Variants in LSMEM1 observed in about 807,000 individuals in gnomAD.
LSMEM1 encodes leucine rich single-pass membrane protein 1, also known as leucine-rich single-pass membrane protein 1.
Under a neutral mutation model 11.3 loss-of-function variants are expected in LSMEM1, and 10 were observed. That is an observed-to-expected ratio of 0.89 (90% CI 0.55 to 1.50). The LOEUF is 1.50. Among genes scored for constraint, LSMEM1 ranks in the 40% most tolerant of loss-of-function variants. LSMEM1 has a pLI of 0.00. For synonymous variants in LSMEM1, 65 were observed against 59.3 expected, an observed-to-expected ratio of 1.10 and a Z score of -0.44; for missense variants, 151 against 152.9, an observed-to-expected ratio of 0.99 and a Z score of 0.06.
intron 3 of LSMEM1, among the ~76,000 whole-genome samples, chr7:112,488,466 G>A (rs903732585): frequency 6.6e-6 from 1 of 152,114 alleles, no homozygotes; most frequent in Non-Finnish European, 1.5e-5. Context: ...GAGATAAGTA[G>A]CAAGATTGAG....
intron 1 of LSMEM1, among the ~76,000 whole-genome samples, chr7:112,483,892 G>C (rs968176877): frequency 1.3e-5 from 2 of 152,144 alleles, no homozygotes; most frequent in Non-Finnish European, 2.9e-5. Context: ...GAAAGGAAAA[G>C]CTTTTATAGT....
At chr7:112,485,494 T>A (rs1796111248) in intron 2 of LSMEM1, among the ~76,000 whole-genome samples, 1 of 152,190 alleles carries the variant, frequency 6.6e-6, no homozygotes. Context: ...CTGAGTGCCA[T>A]CTTTTCTAGC....
Position 112,484,797 on chromosome 7 carries a change from A to G in LSMEM1, c.-5-15A>G. 3 of 1,610,012 alleles carry G rather than the reference A, an allele frequency of 1.9e-6. No homozygotes were observed. The highest frequency in any genetic ancestry group is 2.5e-6 in the Non-Finnish European group (3 of 1,178,008). ...AGCCCAACCTCTTGTTTTTAACATC[A>G]GTGTTTTCTTCCAGGGACAATGACT... On this transcript the variant is annotated splice_polypyrimidine_tract_variant and intron_variant, in intron 1 of 3. Coordinates refer to ENST00000312849, the MANE Select transcript of LSMEM1 (RefSeq NM_182597.3).
Position 112,490,493 on chromosome 7 carries a change from G to C in LSMEM1, c.*544G>C, listed in dbSNP as rs915883399. The C allele has an allele frequency of 2.0e-5, 3 of 152,536 alleles. No homozygotes were observed. The highest frequency in any genetic ancestry group is 6.5e-5 in the Admixed American group (1 of 15,348). The allele number at this position is 152,536 out of a possible 1,614,324, so 9.4% of individuals were successfully genotyped here. A position where few individuals can be genotyped will look rare whatever the true frequency, so the allele number is the denominator to read the frequency against. On this transcript the variant is annotated 3_prime_UTR_variant, in exon 4 of 4. Coordinates refer to ENST00000312849, the MANE Select transcript of LSMEM1 (RefSeq NM_182597.3). ...TGGGTGGGCCCCAGAGCTAGTTGCT[G>C]TCTGGTGTTTGCTGGTGAAAACATG...
intron 1 of LSMEM1, among the ~76,000 whole-genome samples, chr7:112,482,983 C>G (rs1796058702): frequency 6.6e-6 from 1 of 152,066 alleles, no homozygotes; most frequent in East Asian, 1.9e-4. Flanking sequence ...TTTGAGCTCA[C>G]TTTCTTAGCT....
rs933875586 is a variant in LSMEM1, at chr7:112,486,692, C to T, written c.128-231C>T. ...TCGGGAGGCTGAGGCAGGAGAATGG[C>T]GTGAACCCGGGAGGCAGAGGTTGCA... On this transcript the variant is annotated intron_variant, in intron 2 of 3. Transcript: ENST00000312849. 3.0e-5 allele frequency: 12 copies of T among 402,486 alleles called. No individual in the cohort carries two copies. The South Asian group carries it at 3.1e-4, about 11-fold the overall frequency. 24.9% of individuals were successfully genotyped at this position (402,486 alleles called of 1,614,324 possible). A position where few individuals can be genotyped will look rare whatever the true frequency, so the allele number is the denominator to read the frequency against.
intron 1 of LSMEM1, among the ~76,000 whole-genome samples, chr7:112,482,321 A>G (rs1178670033): frequency 1.3e-5 from 2 of 152,196 alleles, no homozygotes; most frequent in East Asian, 3.9e-4. Context: ...GACCAGTAAT[A>G]TGGAGATTTT....
In LSMEM1 at chr7:112,482,115, C is replaced by T. The variant is rs76275682; in HGVS notation, c.-6+769C>T. Among the ~76,000 whole-genome samples the T allele has an allele frequency of 2.7e-3, 410 of 152,376 alleles. 9 individuals are homozygous for T. The East Asian group carries it at 0.062, about 23-fold the overall frequency. On this transcript the variant is annotated intron_variant, in intron 1 of 3. Transcript: ENST00000312849. ...TTTGCAGGCTCTTGGAGCCCTGGAA[C>T]AGCACCCAACTCAGTTTTCTCTGCT...
Position 112,487,050 on chromosome 7 carries a change from A to G in LSMEM1, c.255A>G (p.Ile85Met), listed in dbSNP as rs757954801. ...LALVFFVIFLIVQTGNKMDDV... is the reference protein window; with the variant it reads ...LALVFFVIFLMVQTGNKMDDV... Reference sequence around the variant, plus strand: ...TGGTTTTTTTCGTGATATTTCTAATAGGTAAGTACCACCACAGGTTTCTTT... The same window carrying G: ...TGGTTTTTTTCGTGATATTTCTAATGGGTAAGTACCACCACAGGTTTCTTT... Residue 85 changes from isoleucine to methionine, a missense_variant and splice_region_variant, in exon 3 of 4, where the codon ATA becomes ATG. Ile to Met is a conservative substitution (Grantham distance 10). Coordinates refer to ENST00000312849, the MANE Select transcript of LSMEM1 (RefSeq NM_182597.3). 2 of 1,614,040 alleles carry G rather than the reference A, an allele frequency of 1.2e-6. No individual in the cohort carries two copies. The highest frequency in any genetic ancestry group is 1.7e-5 in the Admixed American group (1 of 60,010).
Position 112,489,659 on chromosome 7 carries a change from T to C in LSMEM1, c.257-151T>C, listed in dbSNP as rs190294856. On this transcript the variant is annotated intron_variant, in intron 3 of 3. Transcript: ENST00000312849. ...GGCAACTTCAGCCTTCACCAGTTTC[T>C]CTACTGGGCTTCTGGCATGCATGGA... The C allele has an allele frequency of 6.8e-4, 544 of 794,546 alleles. 2 individuals carry two copies. In the African/African-American group the frequency reaches 8.5e-3, roughly 12 times the overall value. The allele number at this position is 794,546 out of a possible 1,614,324, so 49.2% of individuals were successfully genotyped here.
chr7:112,489,894 A>G lies in LSMEM1; in HGVS notation c.341A>G (p.Asn114Ser). Residue 114 changes from asparagine to serine, a missense_variant, in exon 4 of 4, where the codon AAC becomes AGC. By Grantham distance (46) the Asn-to-Ser change is conservative. Coordinates refer to ENST00000312849, the MANE Select transcript of LSMEM1 (RefSeq NM_182597.3). The stretch of plus-strand genomic sequence containing the variant: ...ATAGATGATCTTAAGAGAATCAATA[A>G]CATGATCGTAAAGCGACTCAACCAA... ...KDIDDLKRINNMIVKRLNQLN... is the reference protein window; with the variant it reads ...KDIDDLKRINSMIVKRLNQLN... The G allele has an allele frequency of 6.2e-7, 1 of 1,614,184 alleles. No individual in the cohort carries two copies. Among genetic ancestry groups the G allele is most frequent in the South Asian group, 1.1e-5 (1 of 91,074 alleles).
Position 112,490,130 on chromosome 7 carries a change from G to C in LSMEM1, c.*181G>C, listed in dbSNP as rs1425943836. 5 of 590,406 alleles carry C rather than the reference G, an allele frequency of 8.5e-6. No individual in the cohort carries two copies. The highest frequency in any genetic ancestry group is 3.7e-5 in the African/African-American group (2 of 53,524). 36.6% of individuals were successfully genotyped at this position (590,406 alleles called of 1,614,324 possible). On this transcript the variant is annotated 3_prime_UTR_variant, in exon 4 of 4. Transcript: ENST00000312849. ...AGCAATTCCAAGGCAAGTGGGTATG[G>C]GAATAGCAACTAAAAAGGGGTGAAC...
chr7:112,487,629 C>T (rs192045574), intron 3 of LSMEM1, among the ~76,000 whole-genome samples: 1 of 152,362 alleles, frequency 6.6e-6, no homozygotes, highest in Admixed American at 6.5e-5. Flanking sequence ...CCATGCATGT[C>T]GTGACCTTGA....
rs184034131 is a variant in LSMEM1 at position 112,484,624 on chromosome 7, G to A, written c.-5-188G>A. ...TCCTGGCAAGCAAAGCAAAAAGAAC[G>A]ATTACAAAGTGGTCCACAGAAGGAA... On this transcript the variant is annotated intron_variant, in intron 1 of 3. Transcript: ENST00000312849. Among the ~76,000 whole-genome samples, 32 of 152,276 alleles carry A rather than the reference G, an allele frequency of 2.1e-4. No individual in the cohort carries two copies. In the East Asian group the frequency reaches 2.1e-3, roughly 10 times the overall value.
At chr7:112,486,263 G>C in intron 2 of LSMEM1, 2 of 328,076 alleles carry the variant, frequency 6.1e-6, no homozygotes, top group South Asian at 4.7e-5. Context: ...GTTACTTTGG[G>C]AAAGGGTAAT....
At chr7:112,486,817 G>T in intron 2 of LSMEM1, 106 bp from the exon 3 acceptor site, 1 of 1,443,664 alleles carries the variant, frequency 6.9e-7, no homozygotes, top group Non-Finnish European at 9.4e-7. Flanking sequence ...GAGAGAAAGT[G>T]GGTGTGTCCA....
Position 112,484,897 on chromosome 7 carries a change from C to A in LSMEM1, c.81C>A (p.Asp27Glu). The A allele has an allele frequency of 6.2e-7, 1 of 1,613,742 alleles. No individual in the cohort carries two copies. Among genetic ancestry groups the A allele is most frequent in the South Asian group, 1.1e-5 (1 of 91,070 alleles). Residue 27 changes from aspartate (D) to glutamate (E), a missense_variant, in exon 2 of 4, where the codon GAC (aspartate) becomes GAA (glutamate). Physicochemically the swap from Asp to Glu is conservative, Grantham distance 45 (BLOSUM62 2). Coordinates refer to ENST00000312849, the MANE Select transcript of LSMEM1 (RefSeq NM_182597.3). The stretch of plus-strand genomic sequence containing the variant: ...TTTATGTGGTGGATTCCATAAATGA[C>A]TTAAACAAACTAAACCTCTGTCCAG... ...GKLYVVDSIN[D>E]LNKLNLCPAG...
intron 3 of LSMEM1, among the ~76,000 whole-genome samples, chr7:112,487,630 G>A (rs1267911800): frequency 3.9e-5 from 6 of 152,216 alleles, no homozygotes; most frequent in African/African-American, 9.6e-5. Context: ...CATGCATGTC[G>A]TGACCTTGAG....
At chr7:112,483,136 C>CT (rs113149675) in intron 1 of LSMEM1, among the ~76,000 whole-genome samples, 5,868 of 136,542 alleles carry the variant, frequency 0.043, 164 homozygotes, top group African/African-American at 0.075. Flanking sequence ...TAGGTGTATA[C>CT]TTTTTTTTTT....
Sources: gnomAD v4.1 joint callset for allele counts (sites outside exome capture counted in the v4.1 genomes callset) on GRCh38, gnomAD v4.1.1 for gene constraint, MANE v1.5 for transcripts, NCBI Gene and HGNC (gene_info 2026-07-23, HGNC 2026-07-21) for gene names.